FRMPD4: variants seen among roughly 807,000 people sequenced by gnomAD.
FRMPD4 encodes FERM and PDZ domain-containing protein 4.
In FRMPD4, 22 loss-of-function variants were observed where a neutral mutation model predicts 94.1. The observed-to-expected ratio is 0.23, with a 90% CI of 0.17 to 0.33. The LOEUF (loss-of-function observed/expected upper bound fraction) is 0.33, where lower values mean the gene tolerates loss of function less well. FRMPD4 is among the 10% of genes least tolerant of loss of function. FRMPD4 has a pLI of 1.00. For synonymous variants in FRMPD4, 631 were observed against 548.6 expected (o/e 1.15, Z -2.10); for missense variants, 1,111 against 1,339.9 (o/e 0.83, Z 2.67).
At chrX:12,197,072 T>A (rs1040133759) in intron 1 of FRMPD4, among the ~76,000 whole-genome samples, 1 of 111,847 alleles carries the variant, frequency 8.9e-6, no homozygotes, top group Non-Finnish European at 1.9e-5. Flanking sequence ...ATGTATCATC[T>A]GTTTTCAAAT....
intron 3 of FRMPD4, among the ~76,000 whole-genome samples, chrX:11,922,232 A>C (rs2054061342): frequency 9.0e-6 from 1 of 111,568 alleles, no homozygotes; most frequent in African/African-American, 3.3e-5. Flanking sequence ...GCTTCTGGGG[A>C]GGCCTCAGGA....
chrX:12,280,895 C>T (rs919318991), intron 1 of FRMPD4, among the ~76,000 whole-genome samples: 1 of 111,738 alleles, frequency 8.9e-6, no homozygotes, highest in Admixed American at 9.5e-5. Flanking sequence ...TCTGTTGGTG[C>T]ATCCATCTGC....
chrX:12,240,344 A>G (rs1454017209), intron 1 of FRMPD4, among the ~76,000 whole-genome samples: 1 of 112,336 alleles, frequency 8.9e-6, no homozygotes, highest in Non-Finnish European at 1.9e-5. Context: ...CTGCCTTCAC[A>G]GTTGGCTGGA....
chrX:12,108,543 G>T (rs983872568), intron 3 of FRMPD4, among the ~76,000 whole-genome samples: 1 of 111,929 alleles, frequency 8.9e-6, no homozygotes, highest in African/African-American at 3.2e-5. Context: ...AGCTAACATT[G>T]TAATGACAGG....
chrX:11,849,440 C>G (rs1480170726), intron 1 of FRMPD4, among the ~76,000 whole-genome samples: 4 of 111,008 alleles, frequency 3.6e-5, no homozygotes, highest in Non-Finnish European at 7.6e-5. Context: ...CATGTAGAAC[C>G]TCAAGGGAGC....
upstream of FRMPD4, among the ~76,000 whole-genome samples, chrX:12,137,706 TA>T (rs1186746396): frequency 1.8e-5 from 2 of 112,520 alleles, no homozygotes; most frequent in Non-Finnish European, 3.8e-5. Context: ...GGTAATTATG[TA>T]AAAGAGAAGG....
At chrX:12,422,104 T>TATAAGTGAGTATGG (rs2056891228) in intron 1 of FRMPD4, among the ~76,000 whole-genome samples, 1 of 112,423 alleles carries the variant, frequency 8.9e-6, no homozygotes. Flanking sequence ...AATCATGAAT[T>TATAAGTGAGTATGG]ATAAGTGAGT....
intron 2 of FRMPD4, among the ~76,000 whole-genome samples, chrX:11,870,651 C>T (rs1489962936): frequency 2.7e-5 from 3 of 111,416 alleles, no homozygotes; most frequent in Non-Finnish European, 5.7e-5. Context: ...GCTGTGTCTC[C>T]GTTGGGATAT....
intron 1 of FRMPD4, among the ~76,000 whole-genome samples, chrX:11,847,783 C>G (rs2053587345): frequency 9.8e-6 from 1 of 102,269 alleles, no homozygotes; most frequent in Non-Finnish European, 2.0e-5. Flanking sequence ...ATCGCAAGAA[C>G]AAAAAACCAA....
In FRMPD4 at chrX:12,428,532, C is replaced by A. The variant is rs752882106; in HGVS notation, c.42-70148C>A. 2.7e-5 allele frequency among the ~76,000 whole-genome samples: 3 copies of A among 111,082 alleles called. No individual in the cohort carries two copies. The East Asian group carries it at 8.5e-4, about 31-fold the overall frequency. Reference sequence around the variant, plus strand: ...CTTGGAAGCTCTCAAGTGAAGACAGCCATCATCCAACAAATTTCCTTTGTT... The same window carrying A: ...CTTGGAAGCTCTCAAGTGAAGACAGACATCATCCAACAAATTTCCTTTGTT... On this transcript the variant is annotated intron_variant, in intron 1 of 16. Transcript: ENST00000675598.
chrX:12,363,733 C>T (rs985726447), intron 1 of FRMPD4, among the ~76,000 whole-genome samples: 1 of 112,206 alleles, frequency 8.9e-6, no homozygotes. Context: ...AGACACCCTA[C>T]CTTTGAGTCA....
At chrX:12,715,117 A>C (rs950512160) in intron 14 of FRMPD4, among the ~76,000 whole-genome samples, 10 of 111,963 alleles carry the variant, frequency 8.9e-5, no homozygotes, top group African/African-American at 3.3e-4. Context: ...TTTTCTGGAA[A>C]TGTTGCCTCT....
intron 3 of FRMPD4, among the ~76,000 whole-genome samples, chrX:12,130,102 AAGAGAG>A (rs10533802): frequency 0.13 from 11,853 of 92,610 alleles, 771 homozygotes; most frequent in African/African-American, 0.25. Context: ...GAGCCAGCGG[AAGAGAG>A]AGAGAGAGAG....
At chrX:11,929,633 T>C (rs1259201727) in intron 3 of FRMPD4, among the ~76,000 whole-genome samples, 1 of 112,393 alleles carries the variant, frequency 8.9e-6, no homozygotes, top group African/African-American at 3.2e-5. Context: ...TATTAAGCAT[T>C]TGGCCATGCC....
chrX:12,391,171 T>A (rs761014666), intron 1 of FRMPD4, among the ~76,000 whole-genome samples: 14 of 107,223 alleles, frequency 1.3e-4, no homozygotes, highest in African/African-American at 4.8e-4. Flanking sequence ...TACTAAAGAG[T>A]CATTGCTTCC....
chrX:12,616,051 T>G (rs142726552), intron 4 of FRMPD4, among the ~76,000 whole-genome samples: 2 of 110,791 alleles, frequency 1.8e-5, no homozygotes, highest in Admixed American at 1.9e-4. Flanking sequence ...AGTTTTAGCA[T>G]GTAAAAGGCC....
chrX:12,324,692 T>A (rs764350684), intron 1 of FRMPD4, among the ~76,000 whole-genome samples: 2 of 112,282 alleles, frequency 1.8e-5, no homozygotes, highest in South Asian at 7.4e-4. Flanking sequence ...TCACTTAGAT[T>A]TTAATTGACA....
Position 12,117,750 on chromosome X carries a change from C to T in FRMPD4, c.95+239732C>T, listed in dbSNP as rs1473337568. Among the ~76,000 whole-genome samples the T allele has an allele frequency of 4.5e-5, 5 of 112,063 alleles. No individual in the cohort carries two copies. The East Asian group carries it at 1.1e-3, about 25-fold the overall frequency. On this transcript the variant is annotated intron_variant, in intron 3 of 18. Transcript: ENST00000640291. The stretch of plus-strand genomic sequence containing the variant: ...TCTTCTGTGTCTGCTCTTTGGTTTG[C>T]GCTGGACAGACCACCCTCCCTCCAT...
intron 1 of FRMPD4, among the ~76,000 whole-genome samples, chrX:12,425,164 T>A (rs753556879): frequency 1.8e-5 from 2 of 112,705 alleles, no homozygotes; most frequent in African/African-American, 6.4e-5. Flanking sequence ...CTTAATTTTT[T>A]TTCTGTGCCT....
Sources: allele counts gnomAD v4.1 joint callset (sites outside exome capture counted in the v4.1 genomes callset), GRCh38; gene constraint gnomAD v4.1.1; transcripts MANE v1.5; gene names NCBI Gene and HGNC (gene_info 2026-07-23, HGNC 2026-07-21).